Variants in SLC36A1 observed in about 807,000 individuals in gnomAD.
The protein encoded by SLC36A1 is proton-coupled amino acid transporter 1.
A neutral mutation model predicts 47.5 loss-of-function variants in SLC36A1; 30 were observed. The ratio of observed to expected loss-of-function variants is 0.63; its 90% CI spans 0.47 to 0.86. The LOEUF (loss-of-function observed/expected upper bound fraction) is 0.86. SLC36A1 is among the 40% of genes least tolerant of loss of function. SLC36A1 has a pLI of 0.00. For missense variants in SLC36A1, 517 were observed against 606.0 expected, an observed-to-expected ratio of 0.85 and a Z score of 1.54; for synonymous variants, 255 against 249.7, an observed-to-expected ratio of 1.02 and a Z score of -0.20.
the SLC36A1 span, among the ~76,000 whole-genome samples, chr5:151,377,434 C>T: frequency 5.4e-5 from 8 of 149,382 alleles, no homozygotes; most frequent in East Asian, 3.9e-4. Flanking sequence ...CTGCAAGCTC[C>T]GCCTCCCGGG....
the SLC36A1 span, among the ~76,000 whole-genome samples, chr5:151,428,412 G>A: frequency 6.6e-6 from 1 of 152,102 alleles, no homozygotes; most frequent in Non-Finnish European, 1.5e-5. Context: ...GGGTGGCCTA[G>A]CTCCCAACTC....
At chr5:151,537,095 A>C in the SLC36A1 span, among the ~76,000 whole-genome samples, 65,745 of 151,958 alleles carry the variant, frequency 0.43, 15,538 homozygotes, top group East Asian at 0.93. Context: ...CTCCGTAGCC[A>C]AAGTCAAGTT....
At chr5:151,359,305 C>T in the SLC36A1 span, among the ~76,000 whole-genome samples, 2 of 152,188 alleles carry the variant, frequency 1.3e-5, no homozygotes, top group African/African-American at 4.8e-5. Flanking sequence ...ACCTATATCT[C>T]TAATGAATCT....
At chr5:151,380,973 C>T in the SLC36A1 span, 81 of 392,440 alleles carry the variant, frequency 2.1e-4, no homozygotes, top group Middle Eastern at 9.9e-4. Flanking sequence ...CAGGCCAGAT[C>T]CCTCCAACCC....
At chr5:151,433,255 TATATATATA>T (rs1325461835), upstream of SLC36A1, among the ~76,000 whole-genome samples, 4 of 20,918 alleles carry the variant, frequency 1.9e-4, no homozygotes, top group African/African-American at 9.2e-4. Context: ...TATATATATA[TATATATATA>T]TATTTTTTTT....
At chr5:151,345,525 C>A in the SLC36A1 span, among the ~76,000 whole-genome samples, 4 of 152,146 alleles carry the variant, frequency 2.6e-5, no homozygotes, top group African/African-American at 9.7e-5. Context: ...TACATAGATT[C>A]ATCAAGGGTT....
the SLC36A1 span, among the ~76,000 whole-genome samples, chr5:151,377,715 A>G: frequency 6.6e-6 from 1 of 152,158 alleles, no homozygotes; most frequent in Non-Finnish European, 1.5e-5. Flanking sequence ...TTGGATGCAT[A>G]TATATTTAAA....
At chr5:151,507,587 A>G in the SLC36A1 span, 1 of 1,609,786 alleles carries the variant, frequency 6.2e-7, no homozygotes, top group East Asian at 2.2e-5. Context: ...GTCCTTCTGA[A>G]CAACCCCTCG....
At chr5:151,468,263 AAAAAT>A (rs1249646577) in intron 7 of SLC36A1, among the ~76,000 whole-genome samples, 2 of 80,890 alleles carry the variant, frequency 2.5e-5, no homozygotes, top group African/African-American at 1.5e-4. Flanking sequence ...AAAAAAAAAA[AAAAAT>A]ATATATATAT....
chr5:151,552,152 C>T, the SLC36A1 span, among the ~76,000 whole-genome samples: 105 of 152,112 alleles, frequency 6.9e-4, no homozygotes, highest in Middle Eastern at 0.01. Context: ...TAGACAGGCT[C>T]TCACTCTGTC....
chr5:151,399,040 G>GTA, the SLC36A1 span, among the ~76,000 whole-genome samples: 15 of 139,100 alleles, frequency 1.1e-4, no homozygotes, highest in African/African-American at 3.0e-4. Context: ...TTTAATGTGT[G>GTA]TATATATATA....
At chr5:151,542,381 C>G in the SLC36A1 span, 1 of 1,614,082 alleles carries the variant, frequency 6.2e-7, no homozygotes, top group Non-Finnish European at 8.5e-7. Context: ...CTGTTCTCAA[C>G]CACAGATCCT....
chr5:151,540,024 G>A, the SLC36A1 span, among the ~76,000 whole-genome samples: 714 of 152,334 alleles, frequency 4.7e-3, 5 homozygotes, highest in African/African-American at 0.016. Context: ...GGTCTCTGTT[G>A]GTGTATTTGA....
chr5:151,393,464 T>C, the SLC36A1 span, among the ~76,000 whole-genome samples: 1 of 152,236 alleles, frequency 6.6e-6, no homozygotes, highest in Admixed American at 6.5e-5. Flanking sequence ...GCTGGTTATT[T>C]TGCTCGTCAG....
the SLC36A1 span, chr5:151,531,510 C>A: frequency 4.4e-6 from 7 of 1,576,710 alleles, no homozygotes; most frequent in African/African-American, 9.4e-5. This position sits in a 1 kb window ranked among gnomAD's most constrained non-coding sequence, Gnocchi z 5.7. Context: ...AGGGTAGATA[C>A]CCACACAGGG....
the SLC36A1 span, chr5:151,545,107 T>C: frequency 6.2e-7 from 1 of 1,614,232 alleles, no homozygotes; most frequent in Non-Finnish European, 8.5e-7. Flanking sequence ...ATCTGTGCCA[T>C]TCAAGAGAAA....
At chr5:151,509,758 G>A in the SLC36A1 span, 4 of 384,134 alleles carry the variant, frequency 1.0e-5, no homozygotes, top group Non-Finnish European at 1.9e-5. Flanking sequence ...TAGAAATAAA[G>A]TGTGCAATAA....
the SLC36A1 span, among the ~76,000 whole-genome samples, chr5:151,413,911 C>A: frequency 1.3e-5 from 2 of 151,992 alleles, no homozygotes; most frequent in East Asian, 3.9e-4. Flanking sequence ...AATATATTTA[C>A]AAACATAAGA....
chr5:151,508,093 A>T, the SLC36A1 span, among the ~76,000 whole-genome samples: 2 of 152,298 alleles, frequency 1.3e-5, no homozygotes, highest in South Asian at 4.1e-4. Context: ...ACTTGCTCAG[A>T]GAAAGCATGC....
Sources: gnomAD v4.1 joint callset for allele counts (sites outside exome capture counted in the v4.1 genomes callset) on GRCh38, gnomAD v4.1.1 for gene constraint, Gnocchi (gnomAD v3.1) non-coding constraint, MANE v1.5 for transcripts, NCBI Gene and HGNC (gene_info 2026-07-23, HGNC 2026-07-21) for gene names.